The following MLIP variants were observed in gnomAD, a reference collection of about 807,000 sequenced individuals.
The protein encoded by MLIP is muscular LMNA-interacting protein.
Under a neutral mutation model 84.8 loss-of-function variants are expected in MLIP, and 79 were observed. The ratio of observed to expected loss-of-function variants is 0.93; its 90% CI spans 0.78 to 1.12. The LOEUF is 1.12. Ranked by LOEUF, MLIP falls within the 50% of genes most tolerant of loss-of-function variation. MLIP has a pLI of 0.00. For missense variants in MLIP, 1,257 were observed against 1,160.6 expected (o/e 1.08, Z -1.21); for synonymous variants, 504 against 463.0 (o/e 1.09, Z -1.14).
At chr6:54,252,913 C>A (rs1782740168) in intron 12 of MLIP, among the ~76,000 whole-genome samples, 1 of 152,100 alleles carries the variant, frequency 6.6e-6, no homozygotes, top group South Asian at 2.1e-4. Flanking sequence ...AAATCTCATA[C>A]AAAGGATGTC....
At chr6:54,048,368 A>G (rs1277793775) in intron 1 of MLIP, among the ~76,000 whole-genome samples, 1 of 152,192 alleles carries the variant, frequency 6.6e-6, no homozygotes, top group Non-Finnish European at 1.5e-5. Context: ...AATGACAGAT[A>G]CAGGGCTGGG....
At chr6:54,120,387 A>C (rs1186831463) in intron 1 of MLIP, among the ~76,000 whole-genome samples, 1 of 125,872 alleles carries the variant, frequency 7.9e-6, no homozygotes, top group Non-Finnish European at 1.7e-5. Context: ...GGCGCCTGCC[A>C]CCACGCCCGG....
chr6:54,260,998 C>A (rs1783348098), intron 13 of MLIP, among the ~76,000 whole-genome samples: 1 of 151,908 alleles, frequency 6.6e-6, no homozygotes. Context: ...ATTGTGTCAG[C>A]TCATTTTCAA....
At chr6:54,224,160 A>G (rs1254765708) in intron 11 of MLIP, among the ~76,000 whole-genome samples, 1 of 152,094 alleles carries the variant, frequency 6.6e-6, no homozygotes, top group African/African-American at 2.4e-5. Context: ...AAAACTCATA[A>G]TAGCACGTAT....
At chr6:54,215,717 C>T (rs1045709356) in intron 11 of MLIP, 1 of 152,498 alleles carries the variant, frequency 6.6e-6, no homozygotes, top group Non-Finnish European at 1.5e-5. Context: ...CTCTCCAGAA[C>T]TTATTCCTTT....
At chr6:54,192,368 TA>T (rs1245290218) in intron 10 of MLIP, among the ~76,000 whole-genome samples, 2 of 152,030 alleles carry the variant, frequency 1.3e-5, no homozygotes, top group African/African-American at 2.4e-5. Flanking sequence ...TTCATGTCGT[TA>T]GCCCTGTGTT....
At chr6:54,206,903 T>G (rs1779069319) in intron 11 of MLIP, among the ~76,000 whole-genome samples, 1 of 152,240 alleles carries the variant, frequency 6.6e-6, no homozygotes, top group Admixed American at 6.5e-5. Context: ...TTTCAACATT[T>G]GTTTCTCAAT....
intron 2 of MLIP, among the ~76,000 whole-genome samples, chr6:54,124,068 G>C (rs1224531679): frequency 6.6e-6 from 1 of 152,002 alleles, no homozygotes; most frequent in Non-Finnish European, 1.5e-5. Context: ...ACTTTCAATG[G>C]GGATTTCCTT....
intron 1 of MLIP, among the ~76,000 whole-genome samples, chr6:54,031,115 A>T (rs1486199661): frequency 6.6e-6 from 1 of 152,162 alleles, no homozygotes; most frequent in Non-Finnish European, 1.5e-5. Flanking sequence ...CAGCCCTATT[A>T]GCCAAACCCT....
At chr6:54,251,749 CATATAAT>C (rs1562108657) in intron 12 of MLIP, among the ~76,000 whole-genome samples, 1 of 88,290 alleles carries the variant, frequency 1.1e-5, no homozygotes, top group African/African-American at 5.0e-5. Context: ...TATATAATAG[CATATAAT>C]ATATAATATA....
At chr6:54,186,053 C>T (rs1777357335) in intron 9 of MLIP, among the ~76,000 whole-genome samples, 1 of 152,112 alleles carries the variant, frequency 6.6e-6, no homozygotes. Context: ...GAGTCAAAAC[C>T]CAGAAAACAA....
Position 54,136,913 on chromosome 6 carries a change from G to C in MLIP, c.844G>C (p.Ala282Pro), listed in dbSNP as rs1478524689. The C allele has an allele frequency of 3.3e-6, 5 of 1,535,422 alleles. No homozygotes were observed. The African/African-American group carries it at 5.5e-5, about 17-fold the overall frequency. Reference sequence around the variant, plus strand: ...ATCAGCTACGTATTTTCAAACTACCGCTCACTCTACACCCTTTTCTGCATC... The same window carrying C: ...ATCAGCTACGTATTTTCAAACTACCCCTCACTCTACACCCTTTTCTGCATC... ...EESATYFQTTAHSTPFSASKG... is the reference protein window; with the variant it reads ...EESATYFQTTPHSTPFSASKG... Residue 282 changes from alanine to proline, a missense_variant, in exon 4 of 14, where the codon GCT becomes CCT. By Grantham distance (27) the Ala-to-Pro change is conservative. Coordinates refer to ENST00000502396, the MANE Select transcript of MLIP (RefSeq NM_001281747.2).
chr6:54,213,730 A>ACC (rs1173867582), intron 11 of MLIP, among the ~76,000 whole-genome samples: 1 of 76,800 alleles, frequency 1.3e-5, no homozygotes, highest in Non-Finnish European at 3.0e-5. Context: ...AAAAAAAAAA[A>ACC]AAAAAACAAC....
intron 11 of MLIP, among the ~76,000 whole-genome samples, chr6:54,225,315 G>C (rs1780502613): frequency 6.6e-6 from 1 of 152,076 alleles, no homozygotes; most frequent in Non-Finnish European, 1.5e-5. Flanking sequence ...CTACAAACCT[G>C]TACAGCACAG....
intron 11 of MLIP, among the ~76,000 whole-genome samples, chr6:54,227,972 A>G (rs1256668942): frequency 6.6e-6 from 1 of 152,120 alleles, no homozygotes; most frequent in East Asian, 1.9e-4. Flanking sequence ...TCATGAGGTC[A>G]GGAGATCGAG....
intron 1 of MLIP, among the ~76,000 whole-genome samples, chr6:54,089,664 T>TC (rs1336538071): frequency 6.6e-6 from 1 of 151,964 alleles, no homozygotes; most frequent in Non-Finnish European, 1.5e-5. Context: ...GAAAACAAAA[T>TC]CCCATAATGC....
intron 1 of MLIP, among the ~76,000 whole-genome samples, chr6:54,095,513 G>T (rs1362801213): frequency 6.6e-6 from 1 of 151,898 alleles, no homozygotes; most frequent in East Asian, 1.9e-4. Context: ...TCAATTCTGG[G>T]TTTTCCTTTC....
intron 5 of MLIP, among the ~76,000 whole-genome samples, chr6:54,156,593 G>T (rs1774055113): frequency 6.6e-6 from 1 of 152,056 alleles, no homozygotes; most frequent in East Asian, 1.9e-4. Flanking sequence ...TATAGAGAAA[G>T]ATATAGTTTA....
intron 9 of MLIP, among the ~76,000 whole-genome samples, chr6:54,185,167 C>T (rs749957119): frequency 3.3e-5 from 5 of 152,258 alleles, no homozygotes; most frequent in Middle Eastern, 3.4e-3. Flanking sequence ...ACAGCATTAA[C>T]CTGTATTAGA....
Sources: gnomAD v4.1 joint callset for allele counts (sites outside exome capture counted in the v4.1 genomes callset) on GRCh38, gnomAD v4.1.1 for gene constraint, MANE v1.5 for transcripts, NCBI Gene and HGNC (gene_info 2026-07-23, HGNC 2026-07-21) for gene names.